The following EI24 variants were observed in gnomAD, a reference collection of about 807,000 sequenced individuals.
EI24 encodes EI24 autophagy associated transmembrane protein, also known as etoposide-induced protein 2.4 homolog.
Under a neutral mutation model 48.6 loss-of-function variants are expected in EI24, and 21 were observed. The ratio of observed to expected loss-of-function variants is 0.43; its 90% CI spans 0.31 to 0.62. EI24 has a LOEUF of 0.62. Among genes scored for constraint, EI24 ranks in the 20% least tolerant of loss-of-function variants. The pLI, the probability that EI24 is intolerant of heterozygous loss-of-function variation, is 0.10. For missense variants in EI24, 280 were observed against 410.5 expected, an observed-to-expected ratio of 0.68 and a Z score of 2.75; for synonymous variants, 114 against 145.5, an observed-to-expected ratio of 0.78 and a Z score of 1.56.
In EI24 at chr11:125,576,238, C is replaced by T; in HGVS notation, c.189-17C>T. ...TAACTTATGCTTTATAAACTAAATA[C>T]ATGTGATCTTTTCCAGTGAGCCACG... On this transcript the variant is annotated splice_polypyrimidine_tract_variant and intron_variant, in intron 3 of 10. Coordinates refer to ENST00000278903, the MANE Select transcript of EI24 (RefSeq NM_004879.5). 6.2e-7 allele frequency: 1 copy of T among 1,611,304 alleles called. No homozygotes were observed. Among genetic ancestry groups the T allele is most frequent in the Non-Finnish European group, 8.5e-7 (1 of 1,177,948 alleles).
chr11:125,569,643 G>A (rs1295390303), intron 1 of EI24, 70 bp downstream of exon 1: 3 of 338,242 alleles, frequency 8.9e-6, no homozygotes, highest in Non-Finnish European at 1.6e-5. Context: ...CAGGGACCGG[G>A]AGGGCAGGCA....
In EI24 at chr11:125,577,528, G is replaced by T; in HGVS notation, c.274G>T (p.Val92Leu). Residue 92 changes from valine (V) to leucine (L), a missense_variant, in exon 5 of 11, where the codon GTA becomes TTA. By Grantham distance (32) the Val-to-Leu change is conservative. Transcript: ENST00000278903. ...FWFSLLLFYR[V>L]FIPVLQSVTA... The stretch of plus-strand genomic sequence containing the variant: ...GTTCAGTCTCCTCTTGTTTTATCGA[G>T]TATTTATTCCTGTGCTTCAGTCGGT... The T allele has an allele frequency of 6.2e-7, 1 of 1,613,802 alleles. No individual in the cohort carries two copies. The highest frequency in any genetic ancestry group is 8.5e-7 in the Non-Finnish European group (1 of 1,179,838).
At position 125,572,544 on chromosome 11, in the gene EI24, A is replaced by C. The variant is rs1938570533; in HGVS notation, c.17A>C (p.Lys6Thr). The change falls in exon 2 of 11, where the codon AAA becomes ACA. Residue 6 changes from lysine to threonine, a missense_variant. This residue lies in a region of EI24 where 204 missense variants were observed against 294.1 expected (regional missense o/e 0.69). Coordinates refer to ENST00000278903, the MANE Select transcript of EI24 (RefSeq NM_004879.5). ...GGTGAAGAGATGGCTGACAGTGTCA[A>C]AACCTTTCTCCAGGACCTTGCCAGA... MADSV[K>T]TFLQDLARGI... 6.2e-7 allele frequency: 1 copy of C among 1,613,558 alleles called. No individual in the cohort carries two copies. The highest frequency in any genetic ancestry group is 8.5e-7 in the Non-Finnish European group (1 of 1,179,846).
Position 125,578,164 on chromosome 11 carries a change from G to A in EI24, c.348G>A (p.Ser116=), listed in dbSNP as rs140296039. 112 of 1,613,650 alleles carry A rather than the reference G, an allele frequency of 6.9e-5. No individual in the cohort carries two copies. The highest frequency in any genetic ancestry group is 1.8e-4 in the East Asian group (8 of 44,888). Residue 116 remains serine, a synonymous_variant, in exon 6 of 11, where the codon TCG becomes TCA. Coordinates refer to ENST00000278903, the MANE Select transcript of EI24 (RefSeq NM_004879.5). ...GDPSLHGDVW[S]WLEFFLTSIF... ...CATCACTACATGGAGATGTTTGGTC[G>A]TGGCTGGAATTCTTCCTCACGTCAA...
intron 1 of EI24, chr11:125,570,308 G>A (rs370996330): frequency 1.3e-5 from 2 of 152,314 alleles, no homozygotes. Flanking sequence ...TGAGCCAGAT[G>A]CATCTTCATC....
At chr11:125,577,005 AGTT>A (rs1217547682) in intron 4 of EI24, among the ~76,000 whole-genome samples, 1 of 152,170 alleles carries the variant, frequency 6.6e-6, no homozygotes, top group African/African-American at 2.4e-5. Flanking sequence ...GGCAATATCA[AGTT>A]TGTATCTCTC....
At chr11:125,582,531 T>A in intron 10 of EI24, 111 bp downstream of exon 10, 1 of 821,512 alleles carries the variant, frequency 1.2e-6, no homozygotes, top group Non-Finnish European at 1.8e-6. Context: ...AGGAAAATCT[T>A]AATATAAGGT....
At chr11:125,580,259 G>T in intron 8 of EI24, 55 bp downstream of exon 8, 1 of 1,292,316 alleles carries the variant, frequency 7.7e-7, no homozygotes, top group Admixed American at 1.7e-5. Context: ...AAATGCTACT[G>T]CTAAGCAGAC....
chr11:125,582,807 G>A (rs919621478), intron 10 of EI24, among the ~76,000 whole-genome samples: 12 of 152,146 alleles, frequency 7.9e-5, no homozygotes, highest in Non-Finnish European at 1.6e-4. Context: ...AGTCAGTGTG[G>A]ATACTTGTAT....
chr11:125,581,502 A>G (rs1263012165), intron 9 of EI24, among the ~76,000 whole-genome samples, 180 bp downstream of exon 9: 1 of 79,876 alleles, frequency 1.3e-5, no homozygotes, highest in South Asian at 3.9e-4. Context: ...TATATCCCAT[A>G]TTCTTTTTCT....
chr11:125,577,793 G>A (rs1938810183), intron 5 of EI24: 5 of 559,228 alleles, frequency 8.9e-6, no homozygotes, highest in Middle Eastern at 4.7e-4. Flanking sequence ...GGAAATGCAA[G>A]TTACCAAGGT....
intron 5 of EI24, 72 bp downstream of exon 5, chr11:125,577,642 C>G (rs1216262954): frequency 6.2e-6 from 8 of 1,283,536 alleles, no homozygotes; most frequent in Non-Finnish European, 6.6e-6. Context: ...CCTCAGTTTA[C>G]TGAACATTTC....
chr11:125,583,487 G>A (rs777804365), intron 10 of EI24, 34 bp from the exon 11 acceptor site: 1 of 1,509,748 alleles, frequency 6.6e-7, no homozygotes, highest in Admixed American at 2.2e-5. Flanking sequence ...TTGAGTAACT[G>A]GGGAGCTAAC....
chr11:125,577,779 ATG>A, intron 5 of EI24: 2 of 562,102 alleles, frequency 3.6e-6, no homozygotes, highest in Non-Finnish European at 6.2e-6. Flanking sequence ...CATTTTATGA[ATG>A]AGGAAATGCA....
In EI24 at chr11:125,569,524, G is replaced by A. The variant is rs1206912669; in HGVS notation, c.-120G>A. ...CCCTGGAAGCGCCCCGGCGGAGCTG[G>A]CCTGCGGTGGGCTAGGGGCAGGGCC... On this transcript the variant is annotated 5_prime_UTR_variant, in exon 1 of 11. Transcript: ENST00000278903. 3.4e-5 allele frequency: 13 copies of A among 383,300 alleles called. No homozygotes were observed. In the East Asian group the frequency reaches 4.5e-4, roughly 13 times the overall value. 23.7% of individuals were successfully genotyped at this position (383,300 alleles called of 1,614,324 possible).
chr11:125,575,333 A>C lies in EI24; in HGVS notation c.113A>C (p.Glu38Ala). The change falls in exon 3 of 11, where the codon GAG becomes GCG. Residue 38 changes from glutamate (E) to alanine (A), a missense_variant. By Grantham distance (107) the Glu-to-Ala change is moderately radical. Coordinates refer to ENST00000278903, the MANE Select transcript of EI24 (RefSeq NM_004879.5). Reference protein sequence around the residue: ...KLDARIQQKREEQRRRRASSV... With the variant: ...KLDARIQQKRAEQRRRRASSV... ...GATGCTCGAATCCAGCAAAAGAGAG[A>C]GGAGCAGCGTCGAAGAAGGGCAAGT... 1 of 1,575,296 alleles carries C rather than the reference A, an allele frequency of 6.3e-7. No homozygotes were observed.
rs768642013 is a variant in EI24, at chr11:125,580,117, A to T, written c.586A>T (p.Ile196Phe). 6.2e-7 allele frequency: 1 copy of T among 1,613,644 alleles called. No individual in the cohort carries two copies. Among genetic ancestry groups the T allele is most frequent in the Admixed American group, 1.7e-5 (1 of 60,002 alleles). Residue 196 changes from isoleucine (I) to phenylalanine (F), a missense_variant, in exon 8 of 11, where the codon ATC (isoleucine) becomes TTC (phenylalanine). By Grantham distance (21) the Ile-to-Phe change is conservative (BLOSUM62 0). Transcript: ENST00000278903. The stretch of plus-strand genomic sequence containing the variant: ...GGGAATGTTTGTGAGTCTCTTTCCC[A>T]TCCATCTTGTCGGTCAGCTGGTTAG... The part of the protein sequence containing the change: ...IQGMFVSLFP[I>F]HLVGQLVSLL...
chr11:125,577,667 CT>C, intron 5 of EI24, 97 bp downstream of exon 5: 1 of 1,001,700 alleles, frequency 1.0e-6, no homozygotes, highest in Non-Finnish European at 1.5e-6. Context: ...GTACCAGGAG[CT>C]TTCACTGTTT....
intron 9 of EI24, 136 bp from the exon 10 acceptor site, chr11:125,582,209 AT>A (rs1168320628): frequency 1.6e-5 from 13 of 794,568 alleles, no homozygotes; most frequent in Non-Finnish European, 2.1e-5. Context: ...AAAAAAAAAA[AT>A]GTTTGAAATA....
Sources: allele counts gnomAD v4.1 joint callset (sites outside exome capture counted in the v4.1 genomes callset), GRCh38; gene constraint gnomAD v4.1.1; regional missense constraint gnomAD v4.1.1; transcripts MANE v1.5; gene names NCBI Gene and HGNC (gene_info 2026-07-23, HGNC 2026-07-21).